Variants in STAG1 observed in about 807,000 individuals in gnomAD.
STAG1 encodes the protein STAG1 cohesin complex component.
A neutral mutation model predicts 170.9 loss-of-function variants in STAG1; 26 were observed. The ratio of observed to expected loss-of-function variants is 0.15; its 90% CI spans 0.11 to 0.21. STAG1 has a LOEUF of 0.21. STAG1 is among the 10% of genes least tolerant of loss of function. The pLI is 1.00. For synonymous variants in STAG1, 514 were observed against 497.7 expected, an observed-to-expected ratio of 1.03 and a Z score of -0.44; for missense variants, 964 against 1,509.5, an observed-to-expected ratio of 0.64 and a Z score of 5.99.
intron 1 of STAG1, among the ~76,000 whole-genome samples, chr3:136,668,957 T>C (rs1003164617): frequency 5.3e-5 from 8 of 152,238 alleles, no homozygotes; most frequent in Non-Finnish European, 1.2e-4. Flanking sequence ...ATGCTTGCTT[T>C]CTACATGATG....
intron 12 of STAG1, 138 bp downstream of exon 12, chr3:136,472,275 T>C (rs903285017): frequency 2.8e-5 from 14 of 496,632 alleles, no homozygotes; most frequent in African/African-American, 2.4e-4. Flanking sequence ...ACTTTTTAAA[T>C]CTAACGTTAA....
At chr3:136,356,317 C>G (rs1291045701) in intron 28 of STAG1, among the ~76,000 whole-genome samples, 1 of 152,126 alleles carries the variant, frequency 6.6e-6, no homozygotes, top group Non-Finnish European at 1.5e-5. Flanking sequence ...AGAACTATCA[C>G]TTATAGTCAT....
At chr3:136,492,821 G>C (rs554361963) in intron 9 of STAG1, among the ~76,000 whole-genome samples, 3 of 152,244 alleles carry the variant, frequency 2.0e-5, no homozygotes, top group African/African-American at 7.2e-5. Context: ...AAGTGTATTT[G>C]TATTTTCTCC....
chr3:136,742,414 T>C lies in STAG1; in HGVS notation c.-84+9781A>G, dbSNP rs757156595. Among the ~76,000 whole-genome samples, 153 of 151,368 alleles carry C rather than the reference T, an allele frequency of 1.0e-3. 1 individual carries two copies. The highest frequency in any genetic ancestry group is 3.1e-4 in the Non-Finnish European group (21 of 67,662). Reference sequence around the variant, plus strand: ...AAGTTATCTAGAATAATCCCAAATATTGAAAATTAAACAACAAGGCTGGGC... The same window carrying C: ...AAGTTATCTAGAATAATCCCAAATACTGAAAATTAAACAACAAGGCTGGGC... On this transcript the variant is annotated intron_variant, in intron 1 of 33. Transcript: ENST00000383202.
In STAG1 at chr3:136,498,714, C is replaced by T. The variant is rs567154309; in HGVS notation, c.902+1509G>A. 2.6e-5 allele frequency among the ~76,000 whole-genome samples: 4 copies of T among 151,252 alleles called. No individual in the cohort carries two copies. In the South Asian group the frequency reaches 8.4e-4, roughly 32 times the overall value. ...TGCAGTAAAAAAAAAAAAACAAAGA[C>T]TGCATGGCAGGTATATGCAAATCCT... On this transcript the variant is annotated intron_variant, in intron 9 of 33. Transcript: ENST00000383202.
intron 1 of STAG1, among the ~76,000 whole-genome samples, chr3:136,644,100 T>C (rs1468801668): frequency 6.6e-6 from 1 of 152,204 alleles, no homozygotes; most frequent in Non-Finnish European, 1.5e-5. Flanking sequence ...TAACACAGTG[T>C]AGGCTAAGTC....
At chr3:136,509,086 G>A (rs577742799) in intron 7 of STAG1, among the ~76,000 whole-genome samples, 1 of 152,338 alleles carries the variant, frequency 6.6e-6, no homozygotes, top group South Asian at 2.1e-4. Flanking sequence ...AAGTTCTTGA[G>A]AAGGTGAAAA....
At chr3:136,382,154 T>G (rs1177707445) in intron 22 of STAG1, among the ~76,000 whole-genome samples, 1 of 152,192 alleles carries the variant, frequency 6.6e-6, no homozygotes, top group East Asian at 1.9e-4. Flanking sequence ...AATGTTCCTT[T>G]ACTCCCTCAG....
chr3:136,425,621 A>G (rs1488170327), intron 16 of STAG1, among the ~76,000 whole-genome samples: 2 of 151,850 alleles, frequency 1.3e-5, no homozygotes, highest in Non-Finnish European at 2.9e-5. Context: ...TCAAAGAGGT[A>G]AAAACTCTAT....
At chr3:136,343,425 A>C (rs1481921343) in intron 30 of STAG1, among the ~76,000 whole-genome samples, 1 of 152,254 alleles carries the variant, frequency 6.6e-6, no homozygotes, top group Non-Finnish European at 1.5e-5. Flanking sequence ...AAGACAAAAT[A>C]TTAATTAAAT....
At chr3:136,655,889 G>T (rs1319367904) in intron 1 of STAG1, among the ~76,000 whole-genome samples, 1 of 152,034 alleles carries the variant, frequency 6.6e-6, no homozygotes, top group Non-Finnish European at 1.5e-5. Context: ...ATTAAGAATA[G>T]ACTTACCATA....
chr3:136,337,604 T>C lies in STAG1; in HGVS notation c.*650A>G, dbSNP rs1935741709. 1 of 152,632 alleles carries C rather than the reference T, an allele frequency of 6.6e-6. No homozygotes were observed. Among genetic ancestry groups the C allele is most frequent in the South Asian group, 2.1e-4 (1 of 4,840 alleles). The allele number at this position is 152,632 out of a possible 1,614,324, so 9.5% of individuals were successfully genotyped here. On this transcript the variant is annotated 3_prime_UTR_variant, in exon 34 of 34. Transcript: ENST00000383202. ...AAAATAAACCTTTTATTCAAGAGTA[T>C]ATAAAATCTGGGAATTCATATCCAT... is the stretch of plus-strand genomic sequence containing the variant.
chr3:136,468,898 T>C (rs949011618), intron 12 of STAG1, among the ~76,000 whole-genome samples: 2 of 152,126 alleles, frequency 1.3e-5, no homozygotes, highest in African/African-American at 4.8e-5. Flanking sequence ...CATGATTATC[T>C]CAATACATGC....
intron 11 of STAG1, among the ~76,000 whole-genome samples, chr3:136,472,959 G>C (rs1371522621): frequency 6.6e-6 from 1 of 152,168 alleles, no homozygotes; most frequent in African/African-American, 2.4e-5. Context: ...GGGGTTAGTG[G>C]TGTGGGAGCA....
At chr3:136,445,359 C>A (rs1026184537) in intron 14 of STAG1, among the ~76,000 whole-genome samples, 2 of 151,996 alleles carry the variant, frequency 1.3e-5, no homozygotes, top group Admixed American at 1.3e-4. Context: ...ACTCAAGAGT[C>A]AAAGATGAAC....
intron 1 of STAG1, among the ~76,000 whole-genome samples, chr3:136,720,687 G>C (rs1436345446): frequency 6.6e-6 from 1 of 152,118 alleles, no homozygotes; most frequent in African/African-American, 2.4e-5. Flanking sequence ...TACTCGGGAG[G>C]TTGAGGCAGG....
At chr3:136,423,621 T>C (rs1342149625) in intron 16 of STAG1, among the ~76,000 whole-genome samples, 1 of 152,226 alleles carries the variant, frequency 6.6e-6, no homozygotes, top group Non-Finnish European at 1.5e-5. Context: ...ATCCAACATG[T>C]GAAACCACAG....
At chr3:136,507,542 T>A (rs1055202910) in intron 7 of STAG1, among the ~76,000 whole-genome samples, 7 of 151,266 alleles carry the variant, frequency 4.6e-5, no homozygotes, top group African/African-American at 9.7e-5. Flanking sequence ...AAAAAAAAAT[T>A]TTTTTGTAGA....
intron 3 of STAG1, among the ~76,000 whole-genome samples, chr3:136,608,196 T>C (rs1163987698): frequency 3.3e-5 from 5 of 150,450 alleles, no homozygotes; most frequent in Non-Finnish European, 7.4e-5. Flanking sequence ...GGCAGAGAGG[T>C]TGCAGTGAGC....
Sources: gnomAD v4.1 joint callset for allele counts (sites outside exome capture counted in the v4.1 genomes callset) on GRCh38, gnomAD v4.1.1 for gene constraint, MANE v1.5 for transcripts, NCBI Gene and HGNC (gene_info 2026-07-23, HGNC 2026-07-21) for gene names.